The following DHX57 variants were observed in gnomAD, a reference collection of about 807,000 sequenced individuals.
DHX57 encodes the protein putative ATP-dependent RNA helicase DHX57.
DHX57 carries 105 observed loss-of-function variants against 156.2 expected under a neutral mutation model. That is an observed-to-expected ratio of 0.67 (90% CI 0.57 to 0.79). The LOEUF (loss-of-function observed/expected upper bound fraction) is 0.79, where lower values mean the gene tolerates loss of function less well. Ranked by LOEUF, DHX57 falls within the 30% of genes least tolerant of loss-of-function variation. The pLI, the probability that DHX57 is intolerant of heterozygous loss-of-function variation, is 0.00. For synonymous variants in DHX57, 704 were observed against 595.6 expected (o/e 1.18, Z -2.65); for missense variants, 1,847 against 1,661.9 (o/e 1.11, Z -1.94).
At chr2:38,830,158 C>CTAT (rs981978297) in intron 13 of DHX57, among the ~76,000 whole-genome samples, 9 of 152,096 alleles carry the variant, frequency 5.9e-5, no homozygotes, top group Middle Eastern at 3.2e-3. Context: ...AACTCATGAC[C>CTAT]TATTATTCAG....
intron 2 of DHX57, among the ~76,000 whole-genome samples, chr2:38,867,660 G>A (rs541992204): frequency 7.2e-5 from 11 of 152,278 alleles, no homozygotes; most frequent in African/African-American, 2.4e-4. Context: ...CTGGGTTCAA[G>A]CAATTCTCCT....
intron 13 of DHX57, among the ~76,000 whole-genome samples, chr2:38,837,038 G>A (rs946963695): frequency 2.0e-5 from 3 of 151,978 alleles, no homozygotes; most frequent in African/African-American, 7.2e-5. Context: ...TTGTAGAGAT[G>A]GGGTTTCACT....
In DHX57 at chr2:38,863,487, G is replaced by A. The variant is rs1236237824; in HGVS notation, c.257C>T (p.Ser86Leu). The A allele has an allele frequency of 6.2e-7, 1 of 1,613,964 alleles. No individual in the cohort carries two copies. Among genetic ancestry groups the A allele is most frequent in the South Asian group, 1.1e-5 (1 of 91,052 alleles). ...GGCTTTGGGTTTCCATTTTGGGCGT[G>A]ACTCTCCTTTGCTTATGTTACTGTT... ...PSNSNISKGE[S>L]RPKWKPKAKV... The change falls in exon 3 of 24, where the codon TCA (serine) becomes TTA (leucine). Residue 86 changes from serine to leucine, a missense_variant. Coordinates refer to ENST00000457308, the MANE Select transcript of DHX57 (RefSeq NM_198963.3).
intron 19 of DHX57, among the ~76,000 whole-genome samples, chr2:38,816,782 GA>G (rs1210918039): frequency 6.6e-6 from 1 of 152,042 alleles, no homozygotes; most frequent in Non-Finnish European, 1.5e-5. Flanking sequence ...TCTATTTCAT[GA>G]CAAAGTTTTA....
chr2:38,843,219 G>C lies in DHX57; in HGVS notation c.2220-9C>G. Reference sequence around the variant, plus strand: ...CATCCTGTAATACATACCTGAGAAAGACAAAGGAATGTGGTTGTGTGTATG... The same window carrying C: ...CATCCTGTAATACATACCTGAGAAACACAAAGGAATGTGGTTGTGTGTATG... On this transcript the variant is annotated splice_polypyrimidine_tract_variant and intron_variant, in intron 11 of 23. Coordinates refer to ENST00000457308, the MANE Select transcript of DHX57 (RefSeq NM_198963.3). 1.2e-6 allele frequency: 2 copies of C among 1,613,364 alleles called. No homozygotes were observed. Among genetic ancestry groups the C allele is most frequent in the South Asian group, 2.2e-5 (2 of 91,052 alleles).
intron 10 of DHX57, among the ~76,000 whole-genome samples, chr2:38,847,839 T>C (rs541665493): frequency 2.0e-5 from 3 of 152,206 alleles, no homozygotes; most frequent in Admixed American, 6.5e-5. Flanking sequence ...ATCCCAGCAC[T>C]TTGGGAGGCC....
chr2:38,848,087 A>G (rs1200610779), intron 10 of DHX57, among the ~76,000 whole-genome samples, 182 bp downstream of exon 10: 1 of 152,158 alleles, frequency 6.6e-6, no homozygotes, highest in Non-Finnish European at 1.5e-5. Context: ...TGTCTCAAAA[A>G]AAAAAATCTC....
intron 17 of DHX57, among the ~76,000 whole-genome samples, chr2:38,819,629 C>T (rs907255289): frequency 1.3e-5 from 2 of 152,186 alleles, no homozygotes; most frequent in African/African-American, 4.8e-5. Flanking sequence ...ACAGTCTTTG[C>T]TCTGTCAAGT....
intron 10 of DHX57, 67 bp downstream of exon 10, chr2:38,848,202 C>A: frequency 6.9e-7 from 1 of 1,440,900 alleles, no homozygotes; most frequent in South Asian, 1.5e-5. Context: ...CTACTTATGT[C>A]TCAAACTTTA....
At chr2:38,824,504 A>G (rs1367826826) in intron 16 of DHX57, among the ~76,000 whole-genome samples, 3 of 149,782 alleles carry the variant, frequency 2.0e-5, no homozygotes, top group Admixed American at 6.7e-5. Context: ...TAGATCTCAT[A>G]TTAAGTATTC....
Position 38,798,259 on chromosome 2 carries a change from T to C in DHX57, c.*40A>G. The C allele has an allele frequency of 6.3e-7, 1 of 1,583,360 alleles. No individual in the cohort carries two copies. The highest frequency in any genetic ancestry group is 8.6e-7 in the Non-Finnish European group (1 of 1,166,058). ...TTCTGCTGTTATTTCCCAGGTGAGC[T>C]AGAAGCAGGTGAGTAGCAAGCACTC... On this transcript the variant is annotated 3_prime_UTR_variant, in exon 24 of 24. Coordinates refer to ENST00000457308, the MANE Select transcript of DHX57 (RefSeq NM_198963.3).
chr2:38,816,885 A>C (rs957136770), intron 19 of DHX57, among the ~76,000 whole-genome samples: 3 of 151,954 alleles, frequency 2.0e-5, no homozygotes, highest in African/African-American at 7.3e-5. Context: ...AAGTCACAGC[A>C]AAATCTACAC....
intron 22 of DHX57, among the ~76,000 whole-genome samples, chr2:38,804,461 G>C (rs1279495435): frequency 1.3e-5 from 2 of 152,242 alleles, no homozygotes; most frequent in East Asian, 1.9e-4. Flanking sequence ...CTGCACTCTA[G>C]CCTGGGTGAC....
intron 12 of DHX57, among the ~76,000 whole-genome samples, chr2:38,839,924 GA>G (rs1354402086): frequency 1.3e-5 from 2 of 152,102 alleles, no homozygotes; most frequent in Non-Finnish European, 2.9e-5. Flanking sequence ...ATTGAAAAAA[GA>G]AAACTGAACA....
At chr2:38,839,416 A>G (rs564683409) in intron 12 of DHX57, among the ~76,000 whole-genome samples, 1 of 151,906 alleles carries the variant, frequency 6.6e-6, no homozygotes, top group South Asian at 2.1e-4. Flanking sequence ...TTGAAGAGGG[A>G]CAAAAGCAGT....
intron 23 of DHX57, among the ~76,000 whole-genome samples, chr2:38,799,437 CAAAAA>C (rs772099726): frequency 3.1e-5 from 3 of 95,630 alleles, no homozygotes; most frequent in African/African-American, 1.3e-4. Context: ...CTTGTTGTCT[CAAAAA>C]AAAAAAAAAA....
At chr2:38,812,112 G>A (rs1383180975) in intron 21 of DHX57, among the ~76,000 whole-genome samples, 1 of 152,000 alleles carries the variant, frequency 6.6e-6, no homozygotes, top group African/African-American at 2.4e-5. Flanking sequence ...TAGACTCACA[G>A]GAAGCGGCAA....
chr2:38,874,288 G>C (rs1364769167), intron 1 of DHX57, among the ~76,000 whole-genome samples: 3 of 151,294 alleles, frequency 2.0e-5, no homozygotes. Context: ...ATGAGGTTTC[G>C]CTTTGCTGCC....
intron 16 of DHX57, among the ~76,000 whole-genome samples, chr2:38,823,718 A>C (rs111455887): frequency 2.0e-5 from 3 of 152,318 alleles, no homozygotes; most frequent in South Asian, 2.1e-4. Flanking sequence ...TGAAGTCAGA[A>C]TCTTGCAGAG....
Sources: allele counts gnomAD v4.1 joint callset (sites outside exome capture counted in the v4.1 genomes callset), GRCh38; gene constraint gnomAD v4.1.1; transcripts MANE v1.5; gene names NCBI Gene and HGNC (gene_info 2026-07-23, HGNC 2026-07-21).